The following TCF4 variants were observed in gnomAD, a reference collection of about 807,000 sequenced individuals.
TCF4 encodes transcription factor 4.
Under a neutral mutation model 82.1 loss-of-function variants are expected in TCF4, and 3 were observed. The ratio of observed to expected loss-of-function variants is 0.04; its 90% CI spans 0.02 to 0.09. The LOEUF (loss-of-function observed/expected upper bound fraction) is 0.09. Ranked by LOEUF, TCF4 falls within the 10% of genes least tolerant of loss-of-function variation. The pLI, the probability that TCF4 is intolerant of heterozygous loss-of-function variation, is 1.00. For missense variants in TCF4, 518 were observed against 852.7 expected (o/e 0.61, Z 4.89); for synonymous variants, 276 against 309.6 (o/e 0.89, Z 1.14).
chr18:55,541,579 A>G (rs187294560), intron 3 of TCF4, among the ~76,000 whole-genome samples: 12 of 152,152 alleles, frequency 7.9e-5, no homozygotes, highest in Non-Finnish European at 1.5e-4. Context: ...ATACAAAAGT[A>G]CATTTTTCAG....
intron 5 of TCF4, among the ~76,000 whole-genome samples, chr18:55,430,263 A>G (rs1170491774): frequency 6.6e-6 from 1 of 152,188 alleles, no homozygotes; most frequent in Non-Finnish European, 1.5e-5. Flanking sequence ...AGTACTTGCC[A>G]TGCCATACAA....
intron 9 of TCF4, among the ~76,000 whole-genome samples, chr18:55,277,471 T>C (rs2061670663): frequency 1.3e-5 from 2 of 152,232 alleles, no homozygotes; most frequent in South Asian, 4.1e-4. Context: ...ATACATATTT[T>C]ACATAAATTA....
rs1167437747 is a variant in TCF4 at position 55,588,083 on chromosome 18, G to A, written c.-66C>T. 4 of 996,690 alleles carry A rather than the reference G, an allele frequency of 4.0e-6. No individual in the cohort carries two copies. The highest frequency in any genetic ancestry group is 1.0e-3 in the Middle Eastern group (2 of 1,962). The allele number at this position is 996,690 out of a possible 1,614,324, so 61.7% of individuals were successfully genotyped here. A position where few individuals can be genotyped will look rare whatever the true frequency, so the allele number is the denominator to read the frequency against. On this transcript the variant is annotated 5_prime_UTR_variant, in exon 1 of 20. Coordinates refer to ENST00000354452, the MANE Select transcript of TCF4 (RefSeq NM_001083962.2). ...CTCTCCGTGCACCGCCGGCGCCGAG[G>A]CGGCGTTCATGTCTAACCGCCGCCG...
intron 15 of TCF4, among the ~76,000 whole-genome samples, chr18:55,244,867 G>C (rs529598463): frequency 1.2e-4 from 18 of 152,324 alleles, no homozygotes; most frequent in African/African-American, 4.3e-4. Context: ...GCAGAAGCCA[G>C]GGAGAAGGCA....
intron 3 of TCF4, among the ~76,000 whole-genome samples, chr18:55,467,988 G>A (rs1384138517): frequency 6.6e-6 from 1 of 152,148 alleles, no homozygotes; most frequent in Non-Finnish European, 1.5e-5. Flanking sequence ...CACAAAAGGA[G>A]GCTGAAGCTC....
chr18:55,317,901 C>G (rs548317320), intron 8 of TCF4, among the ~76,000 whole-genome samples: 1 of 152,180 alleles, frequency 6.6e-6, no homozygotes, highest in South Asian at 2.1e-4. Flanking sequence ...ATATGACCAA[C>G]AGTCAGAATA....
At chr18:55,294,365 G>A (rs2065952434) in intron 8 of TCF4, among the ~76,000 whole-genome samples, 1 of 152,082 alleles carries the variant, frequency 6.6e-6, no homozygotes, top group Non-Finnish European at 1.5e-5. Flanking sequence ...CAAAGATTGT[G>A]GTTTAGAGCA....
At chr18:55,597,674 A>G (rs1196384330) in intron 2 of TCF4, among the ~76,000 whole-genome samples, 1 of 152,156 alleles carries the variant, frequency 6.6e-6, no homozygotes, top group Non-Finnish European at 1.5e-5. Flanking sequence ...CTCAAAAAAA[A>G]AAAGGTAAAA....
intron 3 of TCF4, among the ~76,000 whole-genome samples, chr18:55,562,322 T>C (rs1451921766): frequency 6.6e-6 from 1 of 152,226 alleles, no homozygotes; most frequent in African/African-American, 2.4e-5. Flanking sequence ...TTTTAAAAAA[T>C]GTCCTTTATA....
rs141969804 is a variant in TCF4 at position 55,344,960 on chromosome 18, T to C, written c.549+5399A>G. Among the ~76,000 whole-genome samples, 513 of 152,278 alleles carry C rather than the reference T, an allele frequency of 3.4e-3. 2 individuals are homozygous for C. Among genetic ancestry groups the C allele is most frequent in the African/African-American group, 0.012 (508 of 41,562 alleles). ...TTCTTCTCTCTTTCTATCTAAAATATGCACACCAGAAGCCTTCTTTCTTAA... is the reference window on the plus strand; with the variant it reads ...TTCTTCTCTCTTTCTATCTAAAATACGCACACCAGAAGCCTTCTTTCTTAA... On this transcript the variant is annotated intron_variant, in intron 8 of 19. Transcript: ENST00000354452.
At chr18:55,462,414 T>G (rs2095885006) in intron 4 of TCF4, among the ~76,000 whole-genome samples, 1 of 152,078 alleles carries the variant, frequency 6.6e-6, no homozygotes, top group African/African-American at 2.4e-5. Flanking sequence ...ATCCCCATGT[T>G]AAGATGAAAA....
intron 3 of TCF4, among the ~76,000 whole-genome samples, chr18:55,476,182 A>G (rs1452458691): frequency 1.3e-5 from 2 of 152,342 alleles, no homozygotes; most frequent in Non-Finnish European, 2.9e-5. Flanking sequence ...TACAAAAAAA[A>G]AAATTGGAAA....
chr18:55,457,839 T>A (rs1488035992), intron 5 of TCF4, among the ~76,000 whole-genome samples: 1 of 152,224 alleles, frequency 6.6e-6, no homozygotes, highest in East Asian at 1.9e-4. Flanking sequence ...AAACCATTCA[T>A]GTGAAATCAA....
chr18:55,421,276 A>G (rs2094741577), intron 5 of TCF4, among the ~76,000 whole-genome samples: 1 of 152,228 alleles, frequency 6.6e-6, no homozygotes, highest in Admixed American at 6.5e-5. Context: ...AGATTGAAAT[A>G]AAATTCTGTT....
intron 6 of TCF4, among the ~76,000 whole-genome samples, chr18:55,389,460 G>A (rs1247159139): frequency 1.3e-5 from 2 of 152,156 alleles, no homozygotes; most frequent in African/African-American, 4.8e-5. Flanking sequence ...AGCTCGCTCT[G>A]CCCTGGTTAT....
At chr18:55,567,068 AT>A (rs2097415891) in intron 3 of TCF4, among the ~76,000 whole-genome samples, 1 of 152,336 alleles carries the variant, frequency 6.6e-6, no homozygotes, top group Non-Finnish European at 1.5e-5. Context: ...AACCATCAGA[AT>A]ACTAAGAAAA....
chr18:55,624,432 G>A (rs2097724503), intron 2 of TCF4, among the ~76,000 whole-genome samples: 1 of 152,076 alleles, frequency 6.6e-6, no homozygotes, highest in Non-Finnish European at 1.5e-5. Context: ...AAGTGTTCTG[G>A]AAGAGTAGGA....
intron 8 of TCF4, among the ~76,000 whole-genome samples, chr18:55,283,677 C>T (rs2063082400): frequency 6.6e-6 from 1 of 152,216 alleles, no homozygotes; most frequent in African/African-American, 2.4e-5. Flanking sequence ...ATTAACTAGG[C>T]AATCTTGGAC....
chr18:55,527,001 T>C (rs1371464914), intron 3 of TCF4, among the ~76,000 whole-genome samples: 4 of 150,052 alleles, frequency 2.7e-5, no homozygotes, highest in African/African-American at 9.8e-5. Flanking sequence ...TCCCAGGGAG[T>C]CTGGACAGAT....
Sources: gnomAD v4.1 joint callset for allele counts (sites outside exome capture counted in the v4.1 genomes callset) on GRCh38, gnomAD v4.1.1 for gene constraint, MANE v1.5 for transcripts, NCBI Gene and HGNC (gene_info 2026-07-23, HGNC 2026-07-21) for gene names.